The following CSF1R variants were observed in gnomAD, a reference collection of about 807,000 sequenced individuals.
The protein encoded by CSF1R is macrophage colony-stimulating factor 1 receptor.
Under a neutral mutation model 110.0 loss-of-function variants are expected in CSF1R, and 40 were observed. That is an observed-to-expected ratio of 0.36 (90% CI 0.28 to 0.47). The LOEUF is 0.47. Ranked by LOEUF, CSF1R falls within the 20% of genes least tolerant of loss-of-function variation. The pLI, the probability that CSF1R is intolerant of heterozygous loss-of-function variation, is 0.99. For synonymous variants in CSF1R, 523 were observed against 503.4 expected, an observed-to-expected ratio of 1.04 and a Z score of -0.52; for missense variants, 1,052 against 1,253.0, an observed-to-expected ratio of 0.84 and a Z score of 2.42.
intron 10 of CSF1R, among the ~76,000 whole-genome samples, chr5:150,065,723 G>A (rs1757738421): frequency 6.6e-6 from 1 of 152,256 alleles, no homozygotes; most frequent in Non-Finnish European, 1.5e-5. Flanking sequence ...GTGAATGGGT[G>A]TAGGGGAGGA....
At chr5:150,074,464 C>T (rs532140831) in intron 5 of CSF1R, among the ~76,000 whole-genome samples, 114 of 152,170 alleles carry the variant, frequency 7.5e-4, no homozygotes, top group African/African-American at 2.6e-3. Context: ...CATGCCACCA[C>T]GCCCAGCTAC....
chr5:150,070,578 G>T lies in CSF1R; in HGVS notation c.1083-7C>A. ...AGAGAGGGTGAAGGTGTGCCTGCAG[G>T]AGAGAATCAGGTGGTGTTGGTGAGC... On this transcript the variant is annotated splice_polypyrimidine_tract_variant and splice_region_variant and intron_variant, in intron 6 of 20. Coordinates refer to ENST00000675795, the MANE Select transcript of CSF1R (RefSeq NM_001288705.3). 6.6e-7 allele frequency: 1 copy of T among 1,507,722 alleles called. No individual in the cohort carries two copies. The allele number at this position is 1,507,722 out of a possible 1,614,324, so 93.4% of individuals were successfully genotyped here.
chr5:150,095,557 A>G (rs975336797), intron 1 of CSF1R, among the ~76,000 whole-genome samples: 7 of 152,172 alleles, frequency 4.6e-5, no homozygotes, highest in Non-Finnish European at 1.0e-4. Context: ...AAAATTAGAA[A>G]ATATTTTGAA....
chr5:150,065,238 T>C (rs1324246355), intron 10 of CSF1R, among the ~76,000 whole-genome samples: 1 of 152,066 alleles, frequency 6.6e-6, no homozygotes, highest in Non-Finnish European at 1.5e-5. Context: ...GTGGATGTTC[T>C]CCATCCCAGG....
intron 1 of CSF1R, among the ~76,000 whole-genome samples, chr5:150,093,294 G>C (rs569067730): frequency 6.6e-6 from 1 of 152,244 alleles, no homozygotes; most frequent in African/African-American, 2.4e-5. Context: ...GGCTAAGCTG[G>C]TCTCGAATTC....
intron 1 of CSF1R, among the ~76,000 whole-genome samples, chr5:150,102,469 T>C (rs1008565097): frequency 4.6e-5 from 7 of 152,196 alleles, no homozygotes; most frequent in Admixed American, 2.6e-4. Context: ...TCTTTATTGA[T>C]TCATTGGACT....
At chr5:150,069,075 G>A (rs1438664102) in intron 9 of CSF1R, among the ~76,000 whole-genome samples, 2 of 152,206 alleles carry the variant, frequency 1.3e-5, no homozygotes, top group Non-Finnish European at 2.9e-5. Context: ...ACAAAATGTT[G>A]GCTTTATTAT....
chr5:150,053,677 T>C lies in CSF1R; in HGVS notation c.*392A>G. On this transcript the variant is annotated 3_prime_UTR_variant, in exon 21 of 21. Transcript: ENST00000675795. ...AGATCTCACTCTCTGCCAGTCTGTC[T>C]AGCCCCAAAGAGCCTGGTTTTCTCA... 2.9e-6 allele frequency: 1 copy of C among 339,518 alleles called. No individual in the cohort carries two copies. The highest frequency in any genetic ancestry group is 4.2e-5 in the South Asian group (1 of 23,814). 21.0% of individuals were successfully genotyped at this position (339,518 alleles called of 1,614,324 possible).
At chr5:150,105,156 G>A (rs539343994) in intron 1 of CSF1R, among the ~76,000 whole-genome samples, 2 of 151,436 alleles carry the variant, frequency 1.3e-5, no homozygotes, top group East Asian at 3.9e-4. Context: ...AGACCAGCCT[G>A]GCTAACACAG....
intron 10 of CSF1R, 55 bp downstream of exon 10, chr5:150,068,160 C>T (rs1757858460): frequency 7.3e-7 from 1 of 1,378,670 alleles, no homozygotes; most frequent in Non-Finnish European, 1.0e-6. Flanking sequence ...CCTGGGGGTA[C>T]CATCCAAATC....
At chr5:150,092,277 T>C (rs1759069045) in intron 1 of CSF1R, among the ~76,000 whole-genome samples, 1 of 152,254 alleles carries the variant, frequency 6.6e-6, no homozygotes. Context: ...GTAGTAGCAA[T>C]GCATTGTATA....
At chr5:150,071,313 T>C (rs1005875846) in intron 6 of CSF1R, among the ~76,000 whole-genome samples, 3 of 152,222 alleles carry the variant, frequency 2.0e-5, no homozygotes, top group Non-Finnish European at 4.4e-5. Context: ...TATTTTACAA[T>C]TTGTCCATAA....
At chr5:150,078,896 C>A (rs1176638529) in intron 3 of CSF1R, among the ~76,000 whole-genome samples, 1 of 152,220 alleles carries the variant, frequency 6.6e-6, no homozygotes, top group East Asian at 1.9e-4. Flanking sequence ...CCCAGCACCT[C>A]CATGCCCGCC....
intron 12 of CSF1R, 145 bp downstream of exon 12, chr5:150,061,346 G>A: frequency 1.4e-6 from 1 of 714,192 alleles, no homozygotes; most frequent in South Asian, 2.0e-5. Context: ...GAGCTCACAA[G>A]AAAACCCAAG....
chr5:150,091,042 A>G (rs1363805950), upstream of CSF1R, among the ~76,000 whole-genome samples: 1 of 152,216 alleles, frequency 6.6e-6, no homozygotes, highest in Non-Finnish European at 1.5e-5. Context: ...AAAAATACTC[A>G]ATATCATTAG....
intron 1 of CSF1R, among the ~76,000 whole-genome samples, chr5:150,100,562 T>G (rs1258641486): frequency 3.3e-5 from 5 of 152,124 alleles, no homozygotes; most frequent in Admixed American, 2.6e-4. Context: ...TATACAGAAA[T>G]GAACTCCCTT....
rs779661379 is a variant in CSF1R, at chr5:150,059,825, G to A, written c.2007C>T (p.Gly669=). The A allele has an allele frequency of 1.1e-5, 18 of 1,614,116 alleles. No homozygotes were observed. The highest frequency in any genetic ancestry group is 1.7e-4 in the Middle Eastern group (1 of 6,060). The change falls in exon 14 of 21, where the codon GGC becomes GGT. Residue 669 remains glycine (G), a synonymous_variant. Coordinates refer to ENST00000675795, the MANE Select transcript of CSF1R (RefSeq NM_001288705.3). ...TCCTTCGCAGAAAGTTGAGCAGGTC[G>A]CCATAGCAACAGTACTCCGTGATGA... ...VLVITEYCCY[G]DLLNFLRRKA...
intron 17 of CSF1R, 36 bp downstream of exon 17, chr5:150,056,183 C>A (rs751573716): frequency 6.2e-7 from 1 of 1,614,200 alleles, no homozygotes; most frequent in Non-Finnish European, 8.5e-7. Flanking sequence ...CTCTTCACCC[C>A]CTCCCCAGCC....
At chr5:150,055,410 T>C in intron 18 of CSF1R, 74 bp from the exon 19 acceptor site, 2 of 1,286,926 alleles carry the variant, frequency 1.6e-6, no homozygotes, top group Middle Eastern at 3.7e-4. Context: ...ACACACATCT[T>C]AGACTGGGTT....
Sources: allele counts gnomAD v4.1 joint callset (sites outside exome capture counted in the v4.1 genomes callset), GRCh38; gene constraint gnomAD v4.1.1; transcripts MANE v1.5; gene names NCBI Gene and HGNC (gene_info 2026-07-23, HGNC 2026-07-21).